PKP4: variants seen among roughly 807,000 people sequenced by gnomAD.
The protein encoded by PKP4 is plakophilin 4, also known as plakophilin-4.
PKP4 carries 90 observed loss-of-function variants against 145.1 expected under a neutral mutation model. That is an observed-to-expected ratio of 0.62 (90% CI 0.52 to 0.74). The LOEUF is 0.74. Among genes scored for constraint, PKP4 ranks in the 30% least tolerant of loss-of-function variants. The pLI is 0.00. For synonymous variants in PKP4, 563 were observed against 577.2 expected (o/e 0.98, Z 0.35); for missense variants, 1,340 against 1,482.7 (o/e 0.90, Z 1.58).
At chr2:158,462,734 C>T (rs1196287956) in intron 1 of PKP4, among the ~76,000 whole-genome samples, 2 of 151,976 alleles carry the variant, frequency 1.3e-5, no homozygotes, top group African/African-American at 4.8e-5. Context: ...CTGTCAGGGT[C>T]CAATTCTGGC....
intron 3 of PKP4, among the ~76,000 whole-genome samples, chr2:158,596,790 C>G (rs2049791595): frequency 6.6e-6 from 1 of 152,146 alleles, no homozygotes; most frequent in Admixed American, 6.5e-5. Context: ...CTTACACATG[C>G]AGCGTATTAT....
At chr2:158,642,856 CTAA>C (rs2054435379) in intron 11 of PKP4, among the ~76,000 whole-genome samples, 157 bp downstream of exon 11, 1 of 152,086 alleles carries the variant, frequency 6.6e-6, no homozygotes, top group South Asian at 2.1e-4. Context: ...ATTATTTAGT[CTAA>C]TGAGTCAGAA....
intron 4 of PKP4, among the ~76,000 whole-genome samples, chr2:158,608,814 T>TC (rs1574758583): frequency 3.7e-5 from 5 of 133,626 alleles, no homozygotes; most frequent in Admixed American, 7.4e-5. Context: ...CTTTCTTTTT[T>TC]TTTTTTTTTT....
chr2:158,533,249 C>T lies in PKP4; in HGVS notation c.65C>T (p.Ala22Val). ...CAACCACAGACCCGCCAGGAAGCTG[C>T]CTCCACTGGCCCAGGCATGGAACCC... is the stretch of plus-strand genomic sequence containing the variant. ...EGQPQTRQEA[A>V]STGPGMEPET... Residue 22 changes from alanine to valine, a missense_variant, in exon 2 of 22, where the codon GCC (alanine) becomes GTC (valine). Coordinates refer to ENST00000389759, the MANE Select transcript of PKP4 (RefSeq NM_003628.6). 2 of 1,614,070 alleles carry T rather than the reference C, an allele frequency of 1.2e-6. No individual in the cohort carries two copies. The highest frequency in any genetic ancestry group is 1.7e-6 in the Non-Finnish European group (2 of 1,179,980).
chr2:158,487,804 AGGG>A (rs1256726700), intron 1 of PKP4, among the ~76,000 whole-genome samples: 2 of 148,914 alleles, frequency 1.3e-5, no homozygotes, highest in Non-Finnish European at 3.0e-5. Context: ...AAGAGAGAGA[AGGG>A]GGAGGGAGGG....
At chr2:158,609,124 C>A (rs2050911625) in intron 4 of PKP4, among the ~76,000 whole-genome samples, 1 of 151,956 alleles carries the variant, frequency 6.6e-6, no homozygotes, top group Non-Finnish European at 1.5e-5. Flanking sequence ...CCCATATTTC[C>A]TTTTCTAGTA....
At position 158,577,388 on chromosome 2, in the gene PKP4, A is replaced by G. The variant is rs748327589; in HGVS notation, c.245+5A>G. The G allele has an allele frequency of 1.3e-5, 20 of 1,574,146 alleles. No individual in the cohort carries two copies. The South Asian group carries it at 1.9e-4, about 15-fold the overall frequency. Reference sequence around the variant, plus strand: ...ACCAAGCATCGCCAGCACCAGGTACAGGGCCAATGGCTCCATCTTTATGCA... The same window carrying G: ...ACCAAGCATCGCCAGCACCAGGTACGGGGCCAATGGCTCCATCTTTATGCA... On this transcript the variant is annotated splice_donor_5th_base_variant and intron_variant, in intron 3 of 21. Coordinates refer to ENST00000389759, the MANE Select transcript of PKP4 (RefSeq NM_003628.6).
chr2:158,514,822 T>C (rs994589265), intron 1 of PKP4, among the ~76,000 whole-genome samples: 1 of 152,082 alleles, frequency 6.6e-6, no homozygotes, highest in Non-Finnish European at 1.5e-5. Flanking sequence ...ACGTCTGTAA[T>C]CCCAGCTACT....
At chr2:158,574,067 T>A (rs3771614) in intron 2 of PKP4, among the ~76,000 whole-genome samples, 1 of 151,774 alleles carries the variant, frequency 6.6e-6, no homozygotes, top group Non-Finnish European at 1.5e-5. Context: ...TCATCTATTC[T>A]CTTAATTCTC....
intron 1 of PKP4, among the ~76,000 whole-genome samples, chr2:158,519,547 T>C (rs909475687): frequency 2.0e-5 from 3 of 152,176 alleles, no homozygotes; most frequent in Admixed American, 6.5e-5. Context: ...AAGTCTGGGA[T>C]ATACCATACT....
intron 2 of PKP4, among the ~76,000 whole-genome samples, chr2:158,566,687 C>G (rs1384410343): frequency 6.6e-6 from 1 of 152,246 alleles, no homozygotes; most frequent in Admixed American, 6.5e-5. Context: ...GCTTACACTC[C>G]TCCAACTATC....
rs145173973 is a variant in PKP4, at chr2:158,479,939, C to T, written c.-6+22721C>T. Among the ~76,000 whole-genome samples, 54 of 152,272 alleles carry T rather than the reference C, an allele frequency of 3.5e-4. No individual in the cohort carries two copies. The East Asian group carries it at 9.8e-3, about 28-fold the overall frequency. ...GTTTTGCTTCTGCCCTAGCTACAAC[C>T]GGGGCTGCTCATGTGGCTTAAATGT... On this transcript the variant is annotated intron_variant, in intron 1 of 21. Transcript: ENST00000389759.
intron 1 of PKP4, among the ~76,000 whole-genome samples, chr2:158,526,585 T>TA (rs2042972025): frequency 1.1e-5 from 1 of 87,306 alleles, no homozygotes; most frequent in Non-Finnish European, 2.2e-5. Flanking sequence ...AAGACAGGGA[T>TA]GCCCTCTCTC....
chr2:158,590,221 A>C (rs2049137369), intron 3 of PKP4, among the ~76,000 whole-genome samples: 1 of 152,098 alleles, frequency 6.6e-6, no homozygotes, highest in Non-Finnish European at 1.5e-5. Flanking sequence ...ACAGCTAAAA[A>C]AACTCCCATT....
At chr2:158,461,435 T>G (rs1176598101) in intron 1 of PKP4, among the ~76,000 whole-genome samples, 1 of 152,240 alleles carries the variant, frequency 6.6e-6, no homozygotes, top group Non-Finnish European at 1.5e-5. Flanking sequence ...TCATATATAA[T>G]GATTCATTGC....
intron 9 of PKP4, among the ~76,000 whole-genome samples, chr2:158,635,049 C>CA (rs5835715): frequency 1 from 151,757 of 152,340 alleles, 75,590 homozygotes; most frequent in East Asian, 1. Context: ...AAATTTTAAG[C>CA]GCTTTAGTGT....
At chr2:158,469,882 A>G (rs1193752142) in intron 1 of PKP4, among the ~76,000 whole-genome samples, 1 of 152,126 alleles carries the variant, frequency 6.6e-6, no homozygotes, top group Non-Finnish European at 1.5e-5. Flanking sequence ...TTTTTCTGTG[A>G]TTACCTGTTA....
Position 158,680,713 on chromosome 2 carries a change from A to G in PKP4, c.*36A>G. ...CCCAACAGAGGAACTCTTTCTTTCT[A>G]ACCTTGTTCAGATTGAGGTGAAAAG... On this transcript the variant is annotated 3_prime_UTR_variant, in exon 22 of 22. Transcript: ENST00000389759. The G allele has an allele frequency of 1.3e-6, 2 of 1,539,922 alleles. No homozygotes were observed.
chr2:158,510,057 T>C (rs73003099), intron 1 of PKP4, among the ~76,000 whole-genome samples: 22,456 of 152,138 alleles, frequency 0.15, 1,837 homozygotes, highest in Middle Eastern at 0.28. Flanking sequence ...CCAAAATTCT[T>C]CCTTTAAGAA....
Sources: gnomAD v4.1 joint callset for allele counts (sites outside exome capture counted in the v4.1 genomes callset) on GRCh38, gnomAD v4.1.1 for gene constraint, MANE v1.5 for transcripts, NCBI Gene and HGNC (gene_info 2026-07-23, HGNC 2026-07-21) for gene names.